Variants in CMSS1 observed in about 807,000 individuals in gnomAD.
The protein encoded by CMSS1 is protein CMSS1.
Under a neutral mutation model 43.5 loss-of-function variants are expected in CMSS1, and 33 were observed. The ratio of observed to expected loss-of-function variants is 0.76; its 90% CI spans 0.57 to 1.01. The LOEUF (loss-of-function observed/expected upper bound fraction) is 1.01, where lower values mean the gene tolerates loss of function less well. Ranked by LOEUF, CMSS1 falls within the 50% of genes least tolerant of loss-of-function variation. The pLI is 0.00. For synonymous variants in CMSS1, 115 were observed against 117.2 expected (o/e 0.98, Z 0.12); for missense variants, 313 against 326.4 (o/e 0.96, Z 0.32).
intron 1 of CMSS1, among the ~76,000 whole-genome samples, chr3:99,877,588 G>A (rs973915072): frequency 2.6e-5 from 4 of 152,082 alleles, no homozygotes; most frequent in Non-Finnish European, 5.9e-5. Context: ...CTCTTCAGCC[G>A]AACTTAAAAT....
At chr3:100,102,072 A>G (rs1024615730) in intron 1 of CMSS1, among the ~76,000 whole-genome samples, 22 of 152,204 alleles carry the variant, frequency 1.4e-4, no homozygotes, top group African/African-American at 5.3e-4. Flanking sequence ...ATAGTGCCAC[A>G]ATAAACATAC....
intron 1 of CMSS1, among the ~76,000 whole-genome samples, chr3:100,121,252 C>A (rs1031759982): frequency 6.7e-6 from 1 of 150,250 alleles, no homozygotes; most frequent in African/African-American, 2.5e-5. Flanking sequence ...AGCCCCCCAC[C>A]CCCCTACAGG....
At chr3:99,845,502 T>G (rs916518847) in intron 1 of CMSS1, among the ~76,000 whole-genome samples, 1 of 152,188 alleles carries the variant, frequency 6.6e-6, no homozygotes, top group Non-Finnish European at 1.5e-5. Flanking sequence ...ATATTTCATA[T>G]GAAGATTTCT....
At chr3:99,846,849 A>C (rs556666512) in intron 1 of CMSS1, among the ~76,000 whole-genome samples, 18 of 152,320 alleles carry the variant, frequency 1.2e-4, no homozygotes, top group Admixed American at 1.2e-3. Context: ...AATTAACCAC[A>C]CTAAATTAAC....
At chr3:100,037,932 C>T (rs895947677) in intron 1 of CMSS1, among the ~76,000 whole-genome samples, 12 of 144,392 alleles carry the variant, frequency 8.3e-5, no homozygotes, top group South Asian at 2.2e-4. Context: ...CCTTTTTAAT[C>T]GCTTTTCTTT....
At chr3:100,147,152 G>T in intron 2 of CMSS1, 91 bp downstream of exon 2, 4 of 1,366,776 alleles carry the variant, frequency 2.9e-6, no homozygotes, top group Non-Finnish European at 4.0e-6. Flanking sequence ...CCTAATATCG[G>T]TTGTTGGTGG....
intron 1 of CMSS1, among the ~76,000 whole-genome samples, chr3:99,896,638 C>G (rs1481028365): frequency 6.6e-6 from 1 of 152,110 alleles, no homozygotes; most frequent in African/African-American, 2.4e-5. Flanking sequence ...GGAACAGGCA[C>G]CAAATTACTA....
At chr3:100,135,820 T>G (rs1309738302) in intron 1 of CMSS1, among the ~76,000 whole-genome samples, 2 of 152,172 alleles carry the variant, frequency 1.3e-5, no homozygotes, top group Non-Finnish European at 2.9e-5. Flanking sequence ...TTTCAAATGA[T>G]CTTTTTGTTC....
intron 1 of CMSS1, among the ~76,000 whole-genome samples, chr3:100,022,210 A>G (rs2064838706): frequency 6.6e-6 from 1 of 152,190 alleles, no homozygotes; most frequent in Non-Finnish European, 1.5e-5. Flanking sequence ...ATGCAATTGC[A>G]GTAGCATTGA....
chr3:99,995,745 CTGCCAAGGCT>C (rs1709659719), intron 1 of CMSS1, among the ~76,000 whole-genome samples: 1 of 152,254 alleles, frequency 6.6e-6, no homozygotes, highest in African/African-American at 2.4e-5. Flanking sequence ...CACGTGGAAG[CTGCCAAGGCT>C]TGGGTCTTGT....
chr3:99,978,436 T>C (rs1298752326), intron 1 of CMSS1, among the ~76,000 whole-genome samples: 1 of 152,200 alleles, frequency 6.6e-6, no homozygotes, highest in African/African-American at 2.4e-5. Context: ...ATCTACACAA[T>C]GGAATACTAG....
chr3:99,909,658 G>A (rs1353401646), intron 1 of CMSS1, among the ~76,000 whole-genome samples: 1 of 152,236 alleles, frequency 6.6e-6, no homozygotes, highest in African/African-American at 2.4e-5. Flanking sequence ...TATCAAGTGT[G>A]TCATGTTTTT....
intron 1 of CMSS1, among the ~76,000 whole-genome samples, chr3:99,957,157 A>T (rs958122538): frequency 6.6e-5 from 10 of 152,224 alleles, no homozygotes; most frequent in Non-Finnish European, 1.3e-4. Context: ...AAAATACTGT[A>T]TGAAGTAGAG....
At chr3:99,928,239 G>A (rs997251043) in intron 1 of CMSS1, among the ~76,000 whole-genome samples, 10 of 152,084 alleles carry the variant, frequency 6.6e-5, no homozygotes, top group East Asian at 1.9e-4. Context: ...GTTTATTTTC[G>A]GGGCATTCCC....
intron 1 of CMSS1, among the ~76,000 whole-genome samples, chr3:100,120,574 C>G (rs1339577871): frequency 2.0e-5 from 3 of 152,090 alleles, no homozygotes; most frequent in Non-Finnish European, 4.4e-5. Flanking sequence ...CCGTGCTAAG[C>G]GTGGCACCTA....
rs1404927477 is a variant in CMSS1, at chr3:100,159,948, A to G, written c.154-482A>G. On this transcript the variant is annotated intron_variant, in intron 2 of 9. Coordinates refer to ENST00000421999, the MANE Select transcript of CMSS1 (RefSeq NM_032359.4). ...TAATATATCTTACTTTGGATTTTCT[A>G]TGCTTATTGAAAAGAGGAAAGGAAT... is the stretch of plus-strand genomic sequence containing the variant. 1.5e-5 allele frequency: 7 copies of G among 456,386 alleles called. 1 individual carries two copies. Among genetic ancestry groups the G allele is most frequent in the South Asian group, 9.3e-5 (6 of 64,534 alleles). The allele number at this position is 456,386 out of a possible 1,614,324, so 28.3% of individuals were successfully genotyped here.
intron 1 of CMSS1, among the ~76,000 whole-genome samples, chr3:99,917,065 T>A (rs1334121737): frequency 6.6e-6 from 1 of 152,222 alleles, no homozygotes; most frequent in African/African-American, 2.4e-5. Context: ...AAGTTTGAGG[T>A]TGCCTTTCCA....
At chr3:100,050,094 C>T (rs2065344733) in intron 1 of CMSS1, among the ~76,000 whole-genome samples, 1 of 152,130 alleles carries the variant, frequency 6.6e-6, no homozygotes. Context: ...CACAGACTCA[C>T]CTGTGGAATG....
chr3:100,035,772 A>T (rs575817685), intron 1 of CMSS1, among the ~76,000 whole-genome samples: 1 of 152,322 alleles, frequency 6.6e-6, no homozygotes, highest in South Asian at 2.1e-4. Flanking sequence ...AAAAGAAAGA[A>T]TCCCCATGTG....
Sources: allele counts gnomAD v4.1 joint callset (sites outside exome capture counted in the v4.1 genomes callset), GRCh38; gene constraint gnomAD v4.1.1; transcripts MANE v1.5; gene names NCBI Gene and HGNC (gene_info 2026-07-23, HGNC 2026-07-21).